The following SYT12 variants were observed in gnomAD, a reference collection of about 807,000 sequenced individuals.
The protein encoded by SYT12 is synaptotagmin-12.
Under a neutral mutation model 39.5 loss-of-function variants are expected in SYT12, and 27 were observed. The ratio of observed to expected loss-of-function variants is 0.68; its 90% CI spans 0.50 to 0.94. SYT12 has a LOEUF of 0.94. Among genes scored for constraint, SYT12 ranks in the 40% least tolerant of loss-of-function variants. The pLI is 0.00. For synonymous variants in SYT12, 233 were observed against 239.7 expected, an observed-to-expected ratio of 0.97 and a Z score of 0.26; for missense variants, 536 against 572.6, an observed-to-expected ratio of 0.94 and a Z score of 0.65.
chr11:67,042,509 G>A (rs1483080908), intron 4 of SYT12, among the ~76,000 whole-genome samples: 2 of 152,176 alleles, frequency 1.3e-5, no homozygotes, highest in Admixed American at 6.5e-5. Flanking sequence ...ACCGAGGCTC[G>A]GGAAAGTGCT....
chr11:67,042,707 A>T (rs1950535415), intron 4 of SYT12, among the ~76,000 whole-genome samples: 1 of 152,228 alleles, frequency 6.6e-6, no homozygotes, highest in African/African-American at 2.4e-5. Context: ...GAGCCAGATC[A>T]TGAAGAGCCT....
intron 5 of SYT12, 73 bp downstream of exon 5, chr11:67,043,926 ATCC>A: frequency 7.6e-7 from 1 of 1,312,660 alleles, no homozygotes; most frequent in Non-Finnish European, 1.1e-6. Flanking sequence ...GGACTCCATC[ATCC>A]TCATCATCCT....
At chr11:67,047,064 A>G (rs1194804757) in intron 7 of SYT12, among the ~76,000 whole-genome samples, 1 of 151,926 alleles carries the variant, frequency 6.6e-6, no homozygotes, top group Non-Finnish European at 1.5e-5. Flanking sequence ...TCCTGGGTTC[A>G]AATGATTCTT....
chr11:67,024,152 G>C (rs1381310948), intron 1 of SYT12, among the ~76,000 whole-genome samples: 2 of 152,194 alleles, frequency 1.3e-5, no homozygotes, highest in Admixed American at 1.3e-4. Flanking sequence ...CATCCTGGGA[G>C]CTCTCTTCCA....
intron 7 of SYT12, among the ~76,000 whole-genome samples, chr11:67,047,468 A>G (rs185617417): frequency 0.034 from 5,076 of 150,904 alleles, 268 homozygotes; most frequent in African/African-American, 0.11. Flanking sequence ...GGGTTTCACC[A>G]TGTTGGCCAG....
chr11:67,041,620 G>A (rs1391655675), intron 4 of SYT12, among the ~76,000 whole-genome samples: 2 of 152,206 alleles, frequency 1.3e-5, no homozygotes, highest in African/African-American at 4.8e-5. Context: ...ATCTGAAGGG[G>A]TGAGGGGAAG....
intron 7 of SYT12, 49 bp downstream of exon 7, chr11:67,045,926 G>A: frequency 6.2e-7 from 1 of 1,607,788 alleles, no homozygotes; most frequent in Non-Finnish European, 8.5e-7. Context: ...CCAGGGCTCT[G>A]GGGCTGCCGC....
chr11:67,008,056 C>T (rs1426250741), intron 1 of SYT12, among the ~76,000 whole-genome samples: 4 of 151,120 alleles, frequency 2.6e-5, no homozygotes, highest in African/African-American at 4.9e-5. Context: ...CGGGTTCAAG[C>T]GGTTCTCCTG....
At chr11:67,045,469 G>T (rs1201029771) in intron 6 of SYT12, among the ~76,000 whole-genome samples, 1 of 152,228 alleles carries the variant, frequency 6.6e-6, no homozygotes, top group East Asian at 1.9e-4. Context: ...ACACGGTGGG[G>T]CTGCTGAGTT....
chr11:67,026,153 G>A (rs1950177816), intron 1 of SYT12, among the ~76,000 whole-genome samples: 1 of 152,192 alleles, frequency 6.6e-6, no homozygotes. Context: ...ACAGGTTCTA[G>A]CAGTGAATGG....
At position 67,050,632 on chromosome 11, in the gene SYT12, TTCTC is replaced by T. The variant is rs1185949501; in HGVS notation, c.*1877_*1880del. The T allele has an allele frequency of 6.6e-6, 1 of 152,478 alleles. No individual in the cohort carries two copies. The highest frequency in any genetic ancestry group is 1.5e-5 in the Non-Finnish European group (1 of 68,354). The allele number at this position is 152,478 out of a possible 1,614,324, so 9.4% of individuals were successfully genotyped here. On this transcript the variant is annotated 3_prime_UTR_variant, in exon 8 of 8. Coordinates refer to ENST00000527043, the MANE Select transcript of SYT12 (RefSeq NM_177963.4). ...CTTTGCAGCCTGGGAGACCCCGACTTTCTCTAACCCAGTGGCTGTGCGGTGCAGG... is the reference window on the plus strand; with the variant it reads ...CTTTGCAGCCTGGGAGACCCCGACTTTAACCCAGTGGCTGTGCGGTGCAGG...
At chr11:67,044,522 A>C in intron 5 of SYT12, 71 bp from the exon 6 acceptor site, 295 of 1,555,816 alleles carry the variant, frequency 1.9e-4, no homozygotes, top group Non-Finnish European at 2.4e-4. Context: ...TTTCCCTGGC[A>C]ACCAAGGCTT....
In SYT12 at chr11:67,035,837, C is replaced by CCTTCCTTTCTTTCTTT. The variant is rs1412426648; in HGVS notation, c.228+1002_228+1003insCCTTTCTTTCTTTCTT. ...TCCTTCCTTCCTTCCTTCCTTCCTT[C>CCTTCCTTTCTTTCTTT]CTTTCTTTCTTTCTTTCTTTCTTTC... is the stretch of plus-strand genomic sequence containing the variant. On this transcript the variant is annotated intron_variant, in intron 3 of 7. Transcript: ENST00000527043. Among the ~76,000 whole-genome samples the CCTTCCTTTCTTTCTTT allele has an allele frequency of 2.3e-4, 26 of 111,138 alleles. 1 individual carries two copies. Among genetic ancestry groups the CCTTCCTTTCTTTCTTT allele is most frequent in the African/African-American group, 3.9e-4 (9 of 23,168 alleles). 72.9% of individuals were successfully genotyped at this position (111,138 alleles called of 152,430 possible).
intron 1 of SYT12, among the ~76,000 whole-genome samples, chr11:67,007,743 T>C (rs1949982613): frequency 6.6e-6 from 1 of 151,372 alleles, no homozygotes; most frequent in Non-Finnish European, 1.5e-5. Flanking sequence ...TTTGTATTTT[T>C]AGTAGAGACG....
chr11:67,013,182 A>G (rs1435384844), intron 3 of SYT12, among the ~76,000 whole-genome samples: 1 of 152,210 alleles, frequency 6.6e-6, no homozygotes, highest in Admixed American at 6.5e-5. Context: ...AGGGGTCTTC[A>G]GGGACCACCC....
At chr11:67,043,925 C>T in intron 5 of SYT12, 72 bp downstream of exon 5, 1 of 1,308,230 alleles carries the variant, frequency 7.6e-7, no homozygotes, top group Non-Finnish European at 1.1e-6. Context: ...GGGACTCCAT[C>T]ATCCTCATCA....
intron 6 of SYT12, among the ~76,000 whole-genome samples, chr11:67,045,201 C>A (rs76015445): frequency 7.0e-6 from 1 of 141,962 alleles, no homozygotes. Context: ...AAGCAGTGAC[C>A]GTGGAGGCAG....
intron 1 of SYT12, among the ~76,000 whole-genome samples, chr11:67,024,041 G>T (rs1235520106): frequency 6.8e-6 from 1 of 147,862 alleles, no homozygotes; most frequent in East Asian, 2.1e-4. Context: ...GAGGAAGCTT[G>T]CCCAGACTCA....
At chr11:67,017,437 G>A (rs1268254832) in intron 3 of SYT12, among the ~76,000 whole-genome samples, 1 of 150,780 alleles carries the variant, frequency 6.6e-6, no homozygotes, top group Non-Finnish European at 1.5e-5. Flanking sequence ...TAGGCTCACT[G>A]CAACCTCCAC....
Sources: allele counts gnomAD v4.1 joint callset (sites outside exome capture counted in the v4.1 genomes callset), GRCh38; gene constraint gnomAD v4.1.1; transcripts MANE v1.5; gene names NCBI Gene and HGNC (gene_info 2026-07-23, HGNC 2026-07-21).